GPR160: variants seen among roughly 807,000 people sequenced by gnomAD.
GPR160 encodes the protein G protein-coupled receptor 160.
A neutral mutation model predicts 2.6 loss-of-function variants in GPR160; 2 were observed. The ratio of observed to expected loss-of-function variants is 0.77; its 90% CI spans 0.32 to 2.44. The LOEUF is 2.44. Among genes scored for constraint, GPR160 ranks in the 30% most tolerant of loss-of-function variants. GPR160 has a pLI of 0.11. For synonymous variants in GPR160, 130 were observed against 132.2 expected (o/e 0.98, Z 0.12); for missense variants, 351 against 383.6 (o/e 0.91, Z 0.71).
chr3:170,083,854 TAA>T (rs1713264222), intron 3 of GPR160, 49 bp from the exon 4 acceptor site: 1 of 510,320 alleles, frequency 2.0e-6, no homozygotes, highest in Admixed American at 3.6e-5. Flanking sequence ...GCTTGCTTTG[TAA>T]AGTTTCAAAA....
chr3:170,046,434 G>A (rs1201565601), intron 2 of GPR160, among the ~76,000 whole-genome samples: 1 of 152,184 alleles, frequency 6.6e-6, no homozygotes, highest in Non-Finnish European at 1.5e-5. Flanking sequence ...GGACACAGGA[G>A]TCCCAGCCTC....
chr3:170,076,361 T>C (rs995133769), intron 2 of GPR160, among the ~76,000 whole-genome samples: 4 of 152,154 alleles, frequency 2.6e-5, no homozygotes, highest in African/African-American at 9.7e-5. Context: ...ACTTTTTTTT[T>C]CCACTGAATT....
intron 2 of GPR160, among the ~76,000 whole-genome samples, chr3:170,066,695 CAAT>C (rs936185906): frequency 6.6e-6 from 1 of 152,104 alleles, no homozygotes; most frequent in African/African-American, 2.4e-5. Flanking sequence ...TTATTTTAAA[CAAT>C]GCCTCCATGA....
intron 2 of GPR160, among the ~76,000 whole-genome samples, chr3:170,043,413 C>A (rs568616805): frequency 3.9e-5 from 6 of 152,158 alleles, no homozygotes; most frequent in African/African-American, 1.2e-4. Flanking sequence ...GAACTCTCGA[C>A]CTCAGGTGAT....
At chr3:170,048,977 C>T (rs1196028251) in intron 2 of GPR160, among the ~76,000 whole-genome samples, 1 of 152,224 alleles carries the variant, frequency 6.6e-6, no homozygotes, top group Non-Finnish European at 1.5e-5. Context: ...CCTTACCAGT[C>T]ACGGTGGGCT....
intron 2 of GPR160, among the ~76,000 whole-genome samples, chr3:170,057,632 A>G (rs1711715263): frequency 6.6e-6 from 1 of 152,218 alleles, no homozygotes; most frequent in South Asian, 2.1e-4. Flanking sequence ...CTAAGAAGGA[A>G]GGCTGGAAAA....
At chr3:170,083,670 T>C (rs1303776548) in intron 3 of GPR160, 1 of 212,640 alleles carries the variant, frequency 4.7e-6, no homozygotes, top group Non-Finnish European at 9.2e-6. Flanking sequence ...GTAATTTATA[T>C]ATAACATTTT....
chr3:170,049,895 T>G (rs951735259), intron 2 of GPR160: 2 of 152,326 alleles, frequency 1.3e-5, no homozygotes, highest in African/African-American at 4.8e-5. Context: ...AGGCCTGAAA[T>G]GACTACTTGG....
At chr3:170,062,750 C>A in intron 2 of GPR160, 1 of 1,011,722 alleles carries the variant, frequency 9.9e-7, no homozygotes, top group South Asian at 1.3e-5. Context: ...TCTACCCTGT[C>A]CCAAGGAGCT....
rs569706086 is a variant in GPR160 at position 170,046,070 on chromosome 3, T to C, written c.-193+7027T>C. ...TTGTTAGAGCCCTGCTTCCTTTACT[T>C]TCACTTTTACTGGGGAGAATTTCCC... On this transcript the variant is annotated intron_variant, in intron 2 of 3. Coordinates refer to ENST00000355897, the MANE Select transcript of GPR160 (RefSeq NM_014373.3). Among the ~76,000 whole-genome samples the C allele has an allele frequency of 2.8e-3, 432 of 152,314 alleles. 4 individuals are homozygous for C. Among genetic ancestry groups the C allele is most frequent in the African/African-American group, 9.9e-3 (413 of 41,562 alleles).
intron 2 of GPR160, among the ~76,000 whole-genome samples, chr3:170,074,472 T>C (rs1478738863): frequency 6.6e-6 from 1 of 151,948 alleles, no homozygotes; most frequent in African/African-American, 2.4e-5. Flanking sequence ...TTTGTTTTGA[T>C]TGATTTCCTT....
chr3:170,060,490 A>G (rs1711881534), intron 2 of GPR160, among the ~76,000 whole-genome samples: 1 of 152,208 alleles, frequency 6.6e-6, no homozygotes, highest in Non-Finnish European at 1.5e-5. Context: ...GGACGAGGCG[A>G]GGTGGCTCAT....
chr3:170,069,233 G>T (rs1712478132), intron 2 of GPR160, among the ~76,000 whole-genome samples: 1 of 152,150 alleles, frequency 6.6e-6, no homozygotes, highest in Non-Finnish European at 1.5e-5. Context: ...GGACCTAACT[G>T]CTTATTTCAT....
intron 2 of GPR160, among the ~76,000 whole-genome samples, chr3:170,076,620 T>C (rs1455504335): frequency 6.6e-6 from 1 of 151,976 alleles, no homozygotes; most frequent in East Asian, 1.9e-4. Flanking sequence ...CTCGGCTCAC[T>C]GCAACCTCCC....
intron 2 of GPR160, among the ~76,000 whole-genome samples, chr3:170,046,986 A>G (rs751708210): frequency 4.6e-5 from 7 of 152,202 alleles, no homozygotes; most frequent in African/African-American, 7.2e-5. Flanking sequence ...GAAAGCATCC[A>G]TGGTGTCCAG....
chr3:170,048,179 A>G (rs1406019051), intron 2 of GPR160, among the ~76,000 whole-genome samples: 1 of 152,216 alleles, frequency 6.6e-6, no homozygotes, highest in African/African-American at 2.4e-5. Flanking sequence ...GAAATGCCAT[A>G]TGTTCTCACT....
intron 2 of GPR160, among the ~76,000 whole-genome samples, chr3:170,049,640 T>C (rs937409247): frequency 4.6e-5 from 7 of 152,162 alleles, no homozygotes; most frequent in African/African-American, 1.2e-4. Flanking sequence ...GCATCACGCC[T>C]CCAGGGCTGG....
chr3:170,080,511 G>C (rs1441978493), intron 3 of GPR160, among the ~76,000 whole-genome samples: 1 of 152,098 alleles, frequency 6.6e-6, no homozygotes, highest in Non-Finnish European at 1.5e-5. Flanking sequence ...TTCTGAAGAG[G>C]TTCTTGGTTC....
At chr3:170,080,651 C>G (rs1713078062) in intron 3 of GPR160, among the ~76,000 whole-genome samples, 1 of 152,194 alleles carries the variant, frequency 6.6e-6, no homozygotes, top group African/African-American at 2.4e-5. Context: ...CTCCACCTGT[C>G]AAGAGTCAAT....
Sources: allele counts gnomAD v4.1 joint callset (sites outside exome capture counted in the v4.1 genomes callset), GRCh38; gene constraint gnomAD v4.1.1; transcripts MANE v1.5; gene names NCBI Gene and HGNC (gene_info 2026-07-23, HGNC 2026-07-21).